Variants in ZNF385B observed in about 807,000 individuals in gnomAD.
The protein encoded by ZNF385B is zinc finger protein 385B.
A neutral mutation model predicts 39.2 loss-of-function variants in ZNF385B; 23 were observed. The ratio of observed to expected loss-of-function variants is 0.59; its 90% CI spans 0.42 to 0.83. ZNF385B has a LOEUF of 0.83. Among genes scored for constraint, ZNF385B ranks in the 40% least tolerant of loss-of-function variants. The probability of loss-of-function intolerance (pLI) is 0.00; values close to 1 mark genes in which losing one functional copy is unlikely to be tolerated. For missense variants in ZNF385B, 552 were observed against 598.9 expected (o/e 0.92, Z 0.82); for synonymous variants, 205 against 222.6 (o/e 0.92, Z 0.70).
At chr2:179,484,034 A>T (rs2054297181) in intron 5 of ZNF385B, among the ~76,000 whole-genome samples, 1 of 152,206 alleles carries the variant, frequency 6.6e-6, no homozygotes, top group Admixed American at 6.5e-5. Flanking sequence ...GGAGGTAGGA[A>T]AAAACCCTTG....
chr2:179,634,856 G>A (rs183800145), intron 3 of ZNF385B, among the ~76,000 whole-genome samples: 1 of 151,884 alleles, frequency 6.6e-6, no homozygotes, highest in Admixed American at 6.6e-5. Context: ...ATGGCCGGTC[G>A]CCATGGCTCA....
intron 3 of ZNF385B, among the ~76,000 whole-genome samples, chr2:179,617,221 A>G (rs1186102106): frequency 1.3e-5 from 2 of 152,214 alleles, no homozygotes; most frequent in African/African-American, 4.8e-5. Flanking sequence ...GTCTCCGGTT[A>G]ATAATTGATT....
intron 5 of ZNF385B, among the ~76,000 whole-genome samples, chr2:179,511,745 A>G (rs1451426585): frequency 6.6e-6 from 1 of 152,212 alleles, no homozygotes; most frequent in Non-Finnish European, 1.5e-5. Flanking sequence ...GTACTTAATC[A>G]TTCTAATGTA....
intron 5 of ZNF385B, among the ~76,000 whole-genome samples, chr2:179,513,398 A>C (rs2057833901): frequency 6.6e-6 from 1 of 152,164 alleles, no homozygotes; most frequent in Admixed American, 6.5e-5. Context: ...TTCTTTCTTC[A>C]TTATCAAAGG....
At chr2:179,547,847 A>T (rs1158078344) in intron 3 of ZNF385B, among the ~76,000 whole-genome samples, 2 of 149,710 alleles carry the variant, frequency 1.3e-5, no homozygotes, top group African/African-American at 5.0e-5. Context: ...CTTCCAATCC[A>T]TGAACATGGA....
At chr2:179,725,072 C>T (rs1381426918) in intron 3 of ZNF385B, among the ~76,000 whole-genome samples, 4 of 152,000 alleles carry the variant, frequency 2.6e-5, no homozygotes, top group Non-Finnish European at 5.9e-5. Context: ...CACTACTGTA[C>T]ATTTATGGGA....
At chr2:179,689,682 C>CAA (rs1698194847) in intron 3 of ZNF385B, among the ~76,000 whole-genome samples, 1 of 152,124 alleles carries the variant, frequency 6.6e-6, no homozygotes, top group Admixed American at 6.6e-5. Context: ...AGACTGACTA[C>CAA]ATCAGTGCCT....
chr2:179,673,254 G>A (rs1401310150), intron 3 of ZNF385B, among the ~76,000 whole-genome samples: 2 of 152,122 alleles, frequency 1.3e-5, no homozygotes, highest in Admixed American at 6.6e-5. Flanking sequence ...TTCTAAAGAA[G>A]TGCATCCTCA....
chr2:179,597,968 G>C (rs1688124829), intron 3 of ZNF385B, among the ~76,000 whole-genome samples: 1 of 152,014 alleles, frequency 6.6e-6, no homozygotes, highest in Non-Finnish European at 1.5e-5. Flanking sequence ...AGTCCAAAGA[G>C]AAAATCTTGA....
chr2:179,695,687 AAAT>A (rs1320109572), intron 3 of ZNF385B, among the ~76,000 whole-genome samples: 2 of 152,216 alleles, frequency 1.3e-5, no homozygotes, highest in East Asian at 3.8e-4. Context: ...TTAATAAGTC[AAAT>A]AATAAGTTTT....
intron 1 of ZNF385B, among the ~76,000 whole-genome samples, chr2:179,817,619 G>A (rs1412688648): frequency 6.6e-6 from 1 of 152,082 alleles, no homozygotes; most frequent in Non-Finnish European, 1.5e-5. Flanking sequence ...GAAAGCCAGA[G>A]CTTAACTGTG....
At chr2:179,443,952 G>A (rs1167839956) in intron 9 of ZNF385B, among the ~76,000 whole-genome samples, 1 of 152,220 alleles carries the variant, frequency 6.6e-6, no homozygotes, top group African/African-American at 2.4e-5. Flanking sequence ...AAAACAGTCA[G>A]TTCACACCTC....
At chr2:179,774,659 G>T (rs1197888084) in intron 1 of ZNF385B, among the ~76,000 whole-genome samples, 1 of 152,124 alleles carries the variant, frequency 6.6e-6, no homozygotes, top group Non-Finnish European at 1.5e-5. Context: ...ACCCGGCCAA[G>T]GTCAATGTTT....
At chr2:179,551,702 G>A (rs2060578320) in intron 3 of ZNF385B, among the ~76,000 whole-genome samples, 1 of 152,086 alleles carries the variant, frequency 6.6e-6, no homozygotes, top group Non-Finnish European at 1.5e-5. Context: ...CCTGTGGTGT[G>A]ACTCACTTCT....
intron 3 of ZNF385B, among the ~76,000 whole-genome samples, chr2:179,657,308 A>C (rs571758390): frequency 6.6e-6 from 1 of 152,268 alleles, no homozygotes; most frequent in South Asian, 2.1e-4. Context: ...CTTGTAAAGA[A>C]TTTGCTGTTT....
intron 1 of ZNF385B, among the ~76,000 whole-genome samples, chr2:179,847,956 T>C (rs535369467): frequency 5.9e-5 from 9 of 152,274 alleles, no homozygotes; most frequent in Admixed American, 2.0e-4. Flanking sequence ...CATATGATCA[T>C]GCACAGCTTG....
chr2:179,683,126 A>G (rs1697649921), intron 3 of ZNF385B, among the ~76,000 whole-genome samples: 1 of 152,120 alleles, frequency 6.6e-6, no homozygotes, highest in South Asian at 2.1e-4. Context: ...GGTGGCTCAC[A>G]CCTGTTATCC....
At chr2:179,611,960 A>T in intron 3 of ZNF385B, among the ~76,000 whole-genome samples, 2 of 147,962 alleles carry the variant, frequency 1.4e-5, no homozygotes, top group East Asian at 2.0e-4. Context: ...CTCCTCTTCC[A>T]CCTCCTACTT....
At chr2:179,534,905 C>T (rs1018063913) in intron 4 of ZNF385B, 4 of 152,150 alleles carry the variant, frequency 2.6e-5, no homozygotes, top group African/African-American at 7.2e-5. Context: ...TAAATAAATG[C>T]TACTAGTTCC....
Sources: gnomAD v4.1 joint callset for allele counts (sites outside exome capture counted in the v4.1 genomes callset) on GRCh38, gnomAD v4.1.1 for gene constraint, MANE v1.5 for transcripts, NCBI Gene and HGNC (gene_info 2026-07-23, HGNC 2026-07-21) for gene names.